ITGB2: variants seen among roughly 807,000 people sequenced by gnomAD.
ITGB2 encodes the protein integrin beta-2.
A neutral mutation model predicts 86.8 loss-of-function variants in ITGB2; 56 were observed. The ratio of observed to expected loss-of-function variants is 0.65; its 90% CI spans 0.52 to 0.81. The LOEUF is 0.81. Among genes scored for constraint, ITGB2 ranks in the 30% least tolerant of loss-of-function variants. The pLI is 0.00. For missense variants in ITGB2, 948 were observed against 1,061.2 expected, an observed-to-expected ratio of 0.89 and a Z score of 1.48; for synonymous variants, 457 against 450.4, an observed-to-expected ratio of 1.01 and a Z score of -0.19.
At chr21:44,895,871 G>GAAATA (rs2083858526) in intron 8 of ITGB2, among the ~76,000 whole-genome samples, 1 of 124,526 alleles carries the variant, frequency 8.0e-6, no homozygotes, top group Non-Finnish European at 1.6e-5. Flanking sequence ...GAAATGAAAT[G>GAAATA]AAATAAAAAA....
intron 13 of ITGB2, 159 bp from the exon 14 acceptor site, chr21:44,889,054 G>T: frequency 4.2e-6 from 3 of 713,576 alleles, no homozygotes; most frequent in Non-Finnish European, 7.2e-6. Context: ...GGTGCAGCGG[G>T]TGAACTGGAA....
At chr21:44,903,870 C>T (rs993445656) in intron 4 of ITGB2, among the ~76,000 whole-genome samples, 13 of 152,260 alleles carry the variant, frequency 8.5e-5, no homozygotes, top group African/African-American at 2.2e-4. Context: ...CACACCTAAC[C>T]CGGCCCCATG....
At chr21:44,888,986 G>A (rs1300922301) in intron 13 of ITGB2, 91 bp from the exon 14 acceptor site, 5 of 1,232,358 alleles carry the variant, frequency 4.1e-6, no homozygotes, top group Non-Finnish European at 5.8e-6. Context: ...CACCAGGGGG[G>A]GCAGGTGGGG....
intron 6 of ITGB2, 46 bp downstream of exon 6, chr21:44,901,446 C>T (rs1263402299): frequency 6.2e-7 from 1 of 1,604,524 alleles, no homozygotes; most frequent in Non-Finnish European, 8.5e-7. Flanking sequence ...ACAGAGCCCC[C>T]CACACTGGGG....
At chr21:44,896,213 T>G (rs1028457047) in intron 8 of ITGB2, among the ~76,000 whole-genome samples, 1 of 152,228 alleles carries the variant, frequency 6.6e-6, no homozygotes, top group Non-Finnish European at 1.5e-5. Flanking sequence ...TGGTGGCCAG[T>G]GTTGGCCAGA....
intron 12 of ITGB2, 105 bp downstream of exon 12, chr21:44,889,873 G>A: frequency 6.6e-7 from 1 of 1,506,816 alleles, no homozygotes; most frequent in East Asian, 2.3e-5. Context: ...CTGTCCTCAG[G>A]ATCCCCCCTT....
rs779520277 is a variant in ITGB2, at chr21:44,888,674, T to C, written c.2080+19A>G. On this transcript the variant is annotated intron_variant, in intron 14 of 15. Coordinates refer to ENST00000652462, the MANE Select transcript of ITGB2 (RefSeq NM_000211.5). ...CCGGAGCTCTGGAGCCGGTCCCCGC[T>C]GCACCCCAGCGGCCTCACCTCGGCT... 1.2e-6 allele frequency: 2 copies of C among 1,604,394 alleles called. No homozygotes were observed. The highest frequency in any genetic ancestry group is 2.2e-5 in the East Asian group (1 of 44,872).
In ITGB2 at chr21:44,890,033, G is replaced by A. The variant is rs748574145; in HGVS notation, c.1602C>T (p.Cys534=). 100 of 1,613,360 alleles carry A rather than the reference G, an allele frequency of 6.2e-5. No homozygotes were observed. Among genetic ancestry groups the A allele is most frequent in the Non-Finnish European group, 7.1e-5 (84 of 1,180,036 alleles). ...GCTCACAGTTGATGGTGTCACACTC[G>A]CAGTACTGCCCGTATATCAGCTTGC... The part of the protein sequence containing the change: ...VPGKLIYGQY[C]ECDTINCERY... Residue 534 remains cysteine, a synonymous_variant, in exon 12 of 16, where the codon TGC becomes TGT. Coordinates refer to ENST00000652462, the MANE Select transcript of ITGB2 (RefSeq NM_000211.5).
chr21:44,910,328 C>T lies in ITGB2; in HGVS notation c.103G>A (p.Glu35Lys). The T allele has an allele frequency of 6.2e-7, 1 of 1,614,166 alleles. No homozygotes were observed. Among genetic ancestry groups the T allele is most frequent in the Admixed American group, 1.7e-5 (1 of 60,024 alleles). ...CTKFKVSSCR[E>K]CIESGPGCTW... ...CAGCCGGGCCCCGACTCGATGCATT[C>T]CCGGCAGCTGCTGACCTTGAACTTC... The change falls in exon 3 of 16, where the codon GAA (glutamate) becomes AAA (lysine). Residue 35 changes from glutamate to lysine, a missense_variant. Coordinates refer to ENST00000652462, the MANE Select transcript of ITGB2 (RefSeq NM_000211.5).
intron 7 of ITGB2, among the ~76,000 whole-genome samples, chr21:44,899,936 G>C (rs2083924851): frequency 6.6e-6 from 1 of 152,246 alleles, no homozygotes; most frequent in Non-Finnish European, 1.5e-5. Context: ...GGCCGGGAGG[G>C]GGAGGAGGCG....
At chr21:44,926,968 C>T (rs1005352164) in intron 1 of ITGB2, 3 of 152,204 alleles carry the variant, frequency 2.0e-5, no homozygotes, top group African/African-American at 7.2e-5. Flanking sequence ...TGAGAGGGAC[C>T]CCCAGCGTCC....
intron 1 of ITGB2, among the ~76,000 whole-genome samples, chr21:44,917,711 C>T (rs1343648189): frequency 6.6e-6 from 1 of 152,204 alleles, no homozygotes; most frequent in Non-Finnish European, 1.5e-5. Flanking sequence ...CTGAGACTCT[C>T]AGCACCTCTT....
upstream of ITGB2, among the ~76,000 whole-genome samples, chr21:44,925,463 G>A (rs1263142043): frequency 2.0e-5 from 3 of 148,008 alleles, no homozygotes; most frequent in Admixed American, 2.1e-4. Context: ...AAGGAAGGAA[G>A]GAAGGAAGGA....
In ITGB2 at chr21:44,890,016, T is replaced by C. The variant is rs191487739; in HGVS notation, c.1619A>G (p.Asn540Ser). Residue 540 changes from asparagine (N) to serine (S), a missense_variant, in exon 12 of 16, where the codon AAC becomes AGC. Asn to Ser is a conservative substitution (Grantham distance 46). Transcript: ENST00000652462. ...GACCTGGCCGTTGTAGCGCTCACAG[T>C]TGATGGTGTCACACTCGCAGTACTG... Reference protein sequence around the residue: ...YGQYCECDTINCERYNGQVCG... With the variant: ...YGQYCECDTISCERYNGQVCG... 2.2e-5 allele frequency: 36 copies of C among 1,613,388 alleles called. No individual in the cohort carries two copies. Among genetic ancestry groups the C allele is most frequent in the Non-Finnish European group, 2.9e-5 (34 of 1,180,010 alleles).
chr21:44,920,252 C>A (rs930831283), intron 1 of ITGB2, among the ~76,000 whole-genome samples: 1 of 151,994 alleles, frequency 6.6e-6, no homozygotes, highest in Non-Finnish European at 1.5e-5. Context: ...ACACACACAC[C>A]ACACTACGCT....
In ITGB2 at chr21:44,900,495, G is replaced by T. The variant is rs113597686; in HGVS notation, c.742-20C>A. 6.2e-6 allele frequency: 10 copies of T among 1,612,854 alleles called. No individual in the cohort carries two copies. Among genetic ancestry groups the T allele is most frequent in the Admixed American group, 1.7e-5 (1 of 59,984 alleles). On this transcript the variant is annotated intron_variant, in intron 6 of 15. Transcript: ENST00000652462. Reference sequence around the variant, plus strand: ...TTCCTCCTGAGAAGAAGGCGTGGGGGGCAGGGTTACCTGCCTCAGTTTCCC... The same window carrying T: ...TTCCTCCTGAGAAGAAGGCGTGGGGTGCAGGGTTACCTGCCTCAGTTTCCC...
At position 44,889,250 on chromosome 21, in the gene ITGB2, G is replaced by A. The variant is rs750852683; in HGVS notation, c.1877+26C>T. ...GGCCGGGGAGTGGGGATCCCTGCCC[G>A]CCCTGCCTGCTCCGCCTGCACTCAC... On this transcript the variant is annotated intron_variant, in intron 13 of 15. Coordinates refer to ENST00000652462, the MANE Select transcript of ITGB2 (RefSeq NM_000211.5). 76 of 1,607,328 alleles carry A rather than the reference G, an allele frequency of 4.7e-5. 1 individual carries two copies. The Middle Eastern group carries it at 1.2e-3, about 25-fold the overall frequency.
rs2083993319 is a variant in ITGB2, at chr21:44,903,362, C to G, written c.499+3G>C. 6.2e-7 allele frequency: 1 copy of G among 1,613,912 alleles called. No individual in the cohort carries two copies. The highest frequency in any genetic ancestry group is 1.3e-5 in the African/African-American group (1 of 74,888). Reference sequence around the variant, plus strand: ...GTTTTGTCCTGCAGTGCCTGGGCCTCACCAATGCGGCCGGACTCGGTGATC... The same window carrying G: ...GTTTTGTCCTGCAGTGCCTGGGCCTGACCAATGCGGCCGGACTCGGTGATC... On this transcript the variant is annotated splice_donor_region_variant and intron_variant, in intron 5 of 15. Coordinates refer to ENST00000652462, the MANE Select transcript of ITGB2 (RefSeq NM_000211.5).
At chr21:44,888,051 G>A (rs2083724921) in intron 14 of ITGB2, among the ~76,000 whole-genome samples, 1 of 152,244 alleles carries the variant, frequency 6.6e-6, no homozygotes, top group Admixed American at 6.5e-5. Context: ...AGGTCACCGT[G>A]GGGCTGGGCC....
Sources: allele counts gnomAD v4.1 joint callset (sites outside exome capture counted in the v4.1 genomes callset), GRCh38; gene constraint gnomAD v4.1.1; transcripts MANE v1.5; gene names NCBI Gene and HGNC (gene_info 2026-07-23, HGNC 2026-07-21).